The following NKAIN3 variants were observed in gnomAD, a reference collection of about 807,000 sequenced individuals.
NKAIN3 encodes the protein sodium/potassium-transporting ATPase subunit beta-1-interacting protein 3.
NKAIN3 carries 25 observed loss-of-function variants against 30.2 expected under a neutral mutation model. The observed-to-expected ratio is 0.83, with a 90% CI of 0.60 to 1.16. The LOEUF is 1.16. NKAIN3 is among the 50% of genes most tolerant of loss of function. The pLI is 0.00. For synonymous variants in NKAIN3, 91 were observed against 89.6 expected, an observed-to-expected ratio of 1.02 and a Z score of -0.09; for missense variants, 225 against 254.1, an observed-to-expected ratio of 0.89 and a Z score of 0.78.
At chr8:62,895,193 A>C (rs1821395379) in intron 4 of NKAIN3, among the ~76,000 whole-genome samples, 1 of 152,224 alleles carries the variant, frequency 6.6e-6, no homozygotes, top group African/African-American at 2.4e-5. Flanking sequence ...TTTTTTAAAC[A>C]AATGGTAGCT....
chr8:62,823,543 G>A (rs1040604070), intron 4 of NKAIN3, among the ~76,000 whole-genome samples: 3 of 152,016 alleles, frequency 2.0e-5, no homozygotes, highest in Admixed American at 1.3e-4. Context: ...TCATACTAAG[G>A]CCCTCAGATT....
intron 1 of NKAIN3, among the ~76,000 whole-genome samples, chr8:62,509,114 A>C (rs1807736341): frequency 6.6e-6 from 1 of 152,154 alleles, no homozygotes; most frequent in Non-Finnish European, 1.5e-5. Context: ...ATTGAACTCC[A>C]ATGTGTGCAA....
rs542481070 is a variant in NKAIN3, at chr8:62,397,698, C to T, written c.54+148571C>T. On this transcript the variant is annotated intron_variant, in intron 1 of 6. Coordinates refer to ENST00000623646, the MANE Select transcript of NKAIN3 (RefSeq NM_001304533.3). The stretch of plus-strand genomic sequence containing the variant: ...TGAATTACCTACAGTTTGTAATGAG[C>T]GCCTACAGATGCTGGTTTACATTCA... Among the ~76,000 whole-genome samples the T allele has an allele frequency of 1.5e-4, 23 of 152,220 alleles. No homozygotes were observed. The East Asian group carries it at 2.9e-3, about 19-fold the overall frequency.
chr8:62,709,218 G>A (rs937738027), intron 3 of NKAIN3, among the ~76,000 whole-genome samples: 7 of 152,154 alleles, frequency 4.6e-5, no homozygotes, highest in Admixed American at 4.6e-4. Context: ...TTCAGTATAA[G>A]GGTGATGCTG....
At chr8:62,336,609 G>A (rs1815560218) in intron 1 of NKAIN3, among the ~76,000 whole-genome samples, 1 of 151,868 alleles carries the variant, frequency 6.6e-6, no homozygotes, top group Non-Finnish European at 1.5e-5. Flanking sequence ...GACAGGTTTT[G>A]TACAGCAACA....
chr8:62,679,754 AG>A (rs923131638), intron 3 of NKAIN3, among the ~76,000 whole-genome samples: 1 of 152,182 alleles, frequency 6.6e-6, no homozygotes, highest in Admixed American at 6.6e-5. Context: ...TGAGAATAGC[AG>A]GGGTGGTGTT....
At position 62,646,138 on chromosome 8, in the gene NKAIN3, G is replaced by GAA. The variant is rs75073790; in HGVS notation, c.273+56360_273+56361dup. On this transcript the variant is annotated intron_variant, in intron 3 of 6. Transcript: ENST00000623646. ...TCAAATGGCGTTTTCCCTCATTCTG[G>GAA]AAAAAAAAAAAAAAAAACAGATGCA... 3.0e-3 allele frequency among the ~76,000 whole-genome samples: 349 copies of GAA among 116,190 alleles called. 1 individual carries two copies. Among genetic ancestry groups the GAA allele is most frequent in the African/African-American group, 8.4e-3 (278 of 33,194 alleles). The allele number at this position is 116,190 out of a possible 152,430, so 76.2% of individuals were successfully genotyped here. A position where few individuals can be genotyped will look rare whatever the true frequency, so the allele number is the denominator to read the frequency against.
chr8:62,879,858 C>T (rs1820921267), intron 4 of NKAIN3, among the ~76,000 whole-genome samples: 1 of 152,172 alleles, frequency 6.6e-6, no homozygotes, highest in South Asian at 2.1e-4. Flanking sequence ...GAATCTGACT[C>T]CCACCCCGTC....
chr8:62,720,244 T>A (rs2130515901), intron 3 of NKAIN3, among the ~76,000 whole-genome samples: 1 of 152,318 alleles, frequency 6.6e-6, no homozygotes, highest in East Asian at 1.9e-4. Context: ...ATGCCTTCAG[T>A]AATAATTCCT....
chr8:62,669,566 T>C (rs1813236423), intron 3 of NKAIN3, among the ~76,000 whole-genome samples: 1 of 152,224 alleles, frequency 6.6e-6, no homozygotes, highest in African/African-American at 2.4e-5. Context: ...TGTGTAACCA[T>C]GTTAGCATGT....
At chr8:62,595,145 T>C (rs1259155565) in intron 3 of NKAIN3, among the ~76,000 whole-genome samples, 1 of 151,898 alleles carries the variant, frequency 6.6e-6, no homozygotes, top group Non-Finnish European at 1.5e-5. Flanking sequence ...ATGAAAAACA[T>C]TTTTATGTTG....
At chr8:62,832,984 A>T (rs1263182489) in intron 4 of NKAIN3, among the ~76,000 whole-genome samples, 1 of 152,124 alleles carries the variant, frequency 6.6e-6, no homozygotes, top group East Asian at 1.9e-4. Context: ...TTAACATACG[A>T]ACCATTGTTT....
At chr8:62,341,469 TGA>T (rs1815742772) in intron 1 of NKAIN3, among the ~76,000 whole-genome samples, 1 of 152,038 alleles carries the variant, frequency 6.6e-6, no homozygotes, top group Admixed American at 6.6e-5. Context: ...TTTTACTGAC[TGA>T]GAGGCAAGAG....
chr8:62,543,759 T>G (rs1443009746), intron 1 of NKAIN3, among the ~76,000 whole-genome samples: 3 of 152,228 alleles, frequency 2.0e-5, no homozygotes, highest in African/African-American at 7.2e-5. Context: ...AGATTGATTT[T>G]CTGAATGTAA....
chr8:62,726,085 A>G (rs1395283542), intron 3 of NKAIN3, among the ~76,000 whole-genome samples: 4 of 151,818 alleles, frequency 2.6e-5, no homozygotes, highest in Admixed American at 2.0e-4. Context: ...TTAGGTATTT[A>G]TTTTATTTGG....
intron 1 of NKAIN3, among the ~76,000 whole-genome samples, chr8:62,466,986 T>C (rs1806183424): frequency 1.3e-5 from 2 of 152,184 alleles, no homozygotes; most frequent in African/African-American, 4.8e-5. Flanking sequence ...CCATTGGGCT[T>C]AAATTCGAAT....
intron 1 of NKAIN3, among the ~76,000 whole-genome samples, chr8:62,539,552 C>G (rs937695719): frequency 6.6e-6 from 1 of 152,170 alleles, no homozygotes; most frequent in African/African-American, 2.4e-5. Flanking sequence ...TCAAATAACA[C>G]CTACACTGCA....
intron 4 of NKAIN3, among the ~76,000 whole-genome samples, chr8:62,798,638 T>A (rs746732820): frequency 1.5e-4 from 23 of 152,166 alleles, no homozygotes; most frequent in Non-Finnish European, 2.8e-4. Context: ...GTTCAAAGAT[T>A]GGTGAATAGT....
At chr8:62,532,400 T>C (rs1808515864) in intron 1 of NKAIN3, among the ~76,000 whole-genome samples, 1 of 65,394 alleles carries the variant, frequency 1.5e-5, no homozygotes, top group Admixed American at 1.5e-4. Flanking sequence ...ATAACGTCTA[T>C]ACTTGTCCTG....
Sources: allele counts gnomAD v4.1 joint callset (sites outside exome capture counted in the v4.1 genomes callset), GRCh38; gene constraint gnomAD v4.1.1; transcripts MANE v1.5; gene names NCBI Gene and HGNC (gene_info 2026-07-23, HGNC 2026-07-21).